Variants in OR56A3 observed in about 807,000 individuals in gnomAD.
OR56A3 encodes olfactory receptor 56A3.
A neutral mutation model predicts 17.5 loss-of-function variants in OR56A3; 23 were observed. The observed-to-expected ratio is 1.32, with a 90% CI of 0.95 to 1.87. OR56A3 has a LOEUF of 1.87. Ranked by LOEUF, OR56A3 falls within the 40% of genes most tolerant of loss-of-function variation. The probability of loss-of-function intolerance (pLI) is 0.00; values close to 1 mark genes in which losing one functional copy is unlikely to be tolerated. For missense variants in OR56A3, 366 were observed against 380.1 expected, an observed-to-expected ratio of 0.96 and a Z score of 0.31; for synonymous variants, 175 against 150.6, an observed-to-expected ratio of 1.16 and a Z score of -1.19.
the OR56A3 span, among the ~76,000 whole-genome samples, chr11:5,974,639 A>G: frequency 1.3e-5 from 2 of 152,344 alleles, no homozygotes; most frequent in South Asian, 4.1e-4. Flanking sequence ...AATCACCAGC[A>G]GTGTGTGTAG....
At chr11:5,983,466 TA>T in the OR56A3 span, among the ~76,000 whole-genome samples, 1,073 of 138,312 alleles carry the variant, frequency 7.8e-3, 4 homozygotes, top group African/African-American at 0.014. Context: ...GCACACATAC[TA>T]AAAAAAAAAA....
At chr11:6,004,175 A>G in the OR56A3 span, among the ~76,000 whole-genome samples, 2 of 152,120 alleles carry the variant, frequency 1.3e-5, no homozygotes, top group African/African-American at 4.8e-5. Flanking sequence ...AACATAATGA[A>G]ACCTCGTCTC....
chr11:5,948,004 C>G lies in OR56A3; in HGVS notation c.658C>G (p.Leu220Val). ...AGGATCTGACCTCATCCTTATCTTCCTCTCCTACACCTTCATTCTGCGAGC... is the reference window on the plus strand; with the variant it reads ...AGGATCTGACCTCATCCTTATCTTCGTCTCCTACACCTTCATTCTGCGAGC... The part of the protein sequence containing the change: ...LLGSDLILIF[L>V]SYTFILRAVL... Residue 220 changes from leucine (L) to valine (V), a missense_variant, in exon 3 of 3, where the codon CTC becomes GTC. Leu to Val is a conservative substitution (Grantham distance 32). Transcript: ENST00000641160. 1 of 1,614,224 alleles carries G rather than the reference C, an allele frequency of 6.2e-7. No individual in the cohort carries two copies. Among genetic ancestry groups the G allele is most frequent in the Non-Finnish European group, 8.5e-7 (1 of 1,180,046 alleles).
At chr11:6,001,817 A>G in the OR56A3 span, 2 of 448,292 alleles carry the variant, frequency 4.5e-6, no homozygotes, top group Non-Finnish European at 7.7e-6. Flanking sequence ...TTAGATCAGG[A>G]AAAATTCCAA....
At chr11:5,960,658 T>A in the OR56A3 span, among the ~76,000 whole-genome samples, 379 of 152,314 alleles carry the variant, frequency 2.5e-3, 4 homozygotes, top group African/African-American at 8.7e-3. Context: ...GTGCTGAGAT[T>A]GCAGCCTCTG....
chr11:5,994,669 T>C, the OR56A3 span: 1 of 797,162 alleles, frequency 1.3e-6, no homozygotes, highest in Non-Finnish European at 2.2e-6. Context: ...CATACTTGAT[T>C]CTAAAGTCAT....
the OR56A3 span, chr11:5,986,852 G>A: frequency 6.2e-7 from 1 of 1,613,864 alleles, no homozygotes; most frequent in Middle Eastern, 1.6e-4. Context: ...AAAGAAGGCT[G>A]GGATAGCCTC....
the OR56A3 span, among the ~76,000 whole-genome samples, chr11:6,014,556 C>T: frequency 2.0e-5 from 3 of 152,162 alleles, no homozygotes. Flanking sequence ...GCTTCCTGTA[C>T]AGCCTGTGTA....
chr11:6,002,848 G>A, the OR56A3 span: 1 of 1,614,064 alleles, frequency 6.2e-7, no homozygotes, highest in Non-Finnish European at 8.5e-7. Context: ...ATGGTGATCA[G>A]GAGGGTGGTG....
At chr11:5,972,455 C>A in the OR56A3 span, among the ~76,000 whole-genome samples, 1 of 152,158 alleles carries the variant, frequency 6.6e-6, no homozygotes, top group South Asian at 2.1e-4. Context: ...CCCTCCCTTA[C>A]CCCTGAAACT....
At position 5,947,326 on chromosome 11, in the gene OR56A3, C is replaced by T. The variant is rs1010744657; in HGVS notation, c.-21C>T. ...AATTTTCCAGATCACTGAAAGAAAG[C>T]AGTAAAATATATGGGAAAATATGAC... On this transcript the variant is annotated 5_prime_UTR_variant, in exon 3 of 3. Coordinates refer to ENST00000641160, the MANE Select transcript of OR56A3 (RefSeq NM_001003443.3). 1.9e-6 allele frequency: 3 copies of T among 1,546,248 alleles called. No homozygotes were observed. Among genetic ancestry groups the T allele is most frequent in the Non-Finnish European group, 2.6e-6 (3 of 1,140,666 alleles).
At chr11:5,985,841 T>C in the OR56A3 span, 10 of 1,137,802 alleles carry the variant, frequency 8.8e-6, no homozygotes, top group Non-Finnish European at 1.2e-5. Context: ...GAATACTCAC[T>C]GCAAAATGGT....
the OR56A3 span, among the ~76,000 whole-genome samples, chr11:5,956,864 A>G: frequency 6.6e-6 from 1 of 152,184 alleles, no homozygotes; most frequent in African/African-American, 2.4e-5. Context: ...GTATATTTAA[A>G]TATAAAGAGA....
chr11:6,003,802 G>A, the OR56A3 span, among the ~76,000 whole-genome samples: 1 of 152,148 alleles, frequency 6.6e-6, no homozygotes. Context: ...ACCAAAGATG[G>A]AATAGAAGTC....
chr11:6,003,258 C>A, the OR56A3 span: 4 of 647,300 alleles, frequency 6.2e-6, no homozygotes, highest in South Asian at 5.5e-5. Flanking sequence ...ATATTGTTAT[C>A]CTAATGTTAC....
At chr11:5,979,678 T>G in the OR56A3 span, among the ~76,000 whole-genome samples, 1 of 152,100 alleles carries the variant, frequency 6.6e-6, no homozygotes, top group Non-Finnish European at 1.5e-5. Flanking sequence ...ATCTTTTGTA[T>G]AGTTTTTTGC....
the OR56A3 span, among the ~76,000 whole-genome samples, chr11:5,965,219 GT>G: frequency 6.6e-6 from 1 of 152,164 alleles, no homozygotes; most frequent in Non-Finnish European, 1.5e-5. Context: ...CCACATGTAA[GT>G]TAACAGCATG....
downstream of OR56A3, among the ~76,000 whole-genome samples, chr11:5,955,363 T>G (rs185541913): frequency 9.9e-5 from 15 of 152,224 alleles, no homozygotes; most frequent in African/African-American, 3.6e-4. Flanking sequence ...CAATGTAAAA[T>G]TTCTTATTAT....
Position 5,948,049 on chromosome 11 carries a change from G to A in OR56A3, c.703G>A (p.Glu235Lys). Residue 235 changes from glutamate to lysine, a missense_variant, in exon 3 of 3, where the codon GAG (glutamate) becomes AAG (lysine). Transcript: ENST00000641160. ...ILRAVLRLKA[E>K]GAVAKALSTC... The stretch of plus-strand genomic sequence containing the variant: ...GCGAGCTGTGCTGAGACTCAAGGCA[G>A]AGGGTGCCGTGGCAAAGGCCCTAAG... 6.2e-7 allele frequency: 1 copy of A among 1,614,230 alleles called. No individual in the cohort carries two copies. The highest frequency in any genetic ancestry group is 8.5e-7 in the Non-Finnish European group (1 of 1,180,054).
Sources: allele counts gnomAD v4.1 joint callset (sites outside exome capture counted in the v4.1 genomes callset), GRCh38; gene constraint gnomAD v4.1.1; transcripts MANE v1.5; gene names NCBI Gene and HGNC (gene_info 2026-07-23, HGNC 2026-07-21).